Variants in PAGE2B observed in about 807,000 individuals in gnomAD.
PAGE2B encodes putative G antigen family E member 3.
A neutral mutation model predicts 7.6 loss-of-function variants in PAGE2B; 5 were observed. The observed-to-expected ratio is 0.66, with a 90% confidence interval of 0.34 to 1.38. PAGE2B has a LOEUF of 1.38. PAGE2B is among the 40% of genes most tolerant of loss of function. The pLI, the probability that PAGE2B is intolerant of heterozygous loss-of-function variation, is 0.04. For missense variants in PAGE2B, 70 were observed against 78.4 expected, an observed-to-expected ratio of 0.89 and a Z score of 0.41; for synonymous variants, 29 against 26.7, an observed-to-expected ratio of 1.09 and a Z score of -0.27.
chrX:55,066,084 C>CTT, the PAGE2B span, among the ~76,000 whole-genome samples: 308 of 111,071 alleles, frequency 2.8e-3, 1 homozygote, highest in African/African-American at 9.8e-3. Flanking sequence ...TTCTTTCTTT[C>CTT]TCTTCTTTTT....
At chrX:55,062,068 A>AT in the PAGE2B span, among the ~76,000 whole-genome samples, 1 of 111,761 alleles carries the variant, frequency 8.9e-6, no homozygotes, top group African/African-American at 3.2e-5. Flanking sequence ...GGGAATGCAC[A>AT]TATCTCTTCG....
chrX:55,056,868 A>G, the PAGE2B span, among the ~76,000 whole-genome samples: 29 of 111,514 alleles, frequency 2.6e-4, no homozygotes, highest in Non-Finnish European at 3.8e-4. Context: ...GATTAATAAT[A>G]AAACCACTGT....
At chrX:55,037,797 A>C in the PAGE2B span, among the ~76,000 whole-genome samples, 3 of 106,626 alleles carry the variant, frequency 2.8e-5, no homozygotes. Context: ...AAACTATCAC[A>C]AGGACAAAAA....
chrX:55,043,910 G>A, the PAGE2B span, among the ~76,000 whole-genome samples: 2 of 108,864 alleles, frequency 1.8e-5, no homozygotes, highest in African/African-American at 6.7e-5. Flanking sequence ...AGGTTGCGGT[G>A]AGCCAAGATC....
chrX:55,053,861 A>G, the PAGE2B span, among the ~76,000 whole-genome samples: 3 of 112,666 alleles, frequency 2.7e-5, no homozygotes, highest in African/African-American at 9.7e-5. Context: ...AATGAGATTA[A>G]TAAAACCCAA....
chrX:55,074,894 C>G (rs190960080), upstream of PAGE2B, among the ~76,000 whole-genome samples: 1 of 112,465 alleles, frequency 8.9e-6, no homozygotes, highest in Non-Finnish European at 1.9e-5. Flanking sequence ...TCTCCACAGA[C>G]GCAGGAAAAC....
At chrX:55,038,259 A>C in the PAGE2B span, among the ~76,000 whole-genome samples, 1 of 111,014 alleles carries the variant, frequency 9.0e-6, no homozygotes, top group East Asian at 2.8e-4. Flanking sequence ...TTCCCCATTT[A>C]ATAAATGATG....
chrX:55,030,459 T>C, the PAGE2B span, among the ~76,000 whole-genome samples: 1 of 111,324 alleles, frequency 9.0e-6, no homozygotes, highest in Non-Finnish European at 1.9e-5. Context: ...CCCACTGAGC[T>C]CTGCTGTCAG....
chrX:55,054,161 A>G, the PAGE2B span, among the ~76,000 whole-genome samples: 1 of 111,146 alleles, frequency 9.0e-6, no homozygotes, highest in Admixed American at 9.6e-5. Context: ...GTGAGCCGAA[A>G]TCATGCCACT....
chrX:55,039,514 C>G, the PAGE2B span, among the ~76,000 whole-genome samples: 1 of 107,139 alleles, frequency 9.3e-6, no homozygotes, highest in African/African-American at 3.4e-5. Flanking sequence ...CCACAGGCCT[C>G]CAGATTGGGC....
chrX:55,051,476 A>G, the PAGE2B span, among the ~76,000 whole-genome samples: 20 of 111,915 alleles, frequency 1.8e-4, no homozygotes, highest in African/African-American at 6.2e-4. Context: ...CTTTTCACAT[A>G]GTCCCATATT....
chrX:55,043,475 C>T, the PAGE2B span, among the ~76,000 whole-genome samples: 1 of 110,133 alleles, frequency 9.1e-6, no homozygotes, highest in Non-Finnish European at 1.9e-5. Context: ...CTACAGGGTC[C>T]TCAAACAAAT....
chrX:55,077,347 G>C, intron 3 of PAGE2B, 52 bp from the exon 4 acceptor site: 1 of 1,200,563 alleles, frequency 8.3e-7, no homozygotes, highest in Non-Finnish European at 1.1e-6. Flanking sequence ...TCATTTCCTT[G>C]TTCATAGTTC....
the PAGE2B span, among the ~76,000 whole-genome samples, chrX:55,037,120 C>T: frequency 9.0e-6 from 1 of 111,581 alleles, no homozygotes. Context: ...AGGCAACCTA[C>T]AGAATGGGAG....
chrX:55,049,537 G>C, the PAGE2B span, among the ~76,000 whole-genome samples: 2 of 111,584 alleles, frequency 1.8e-5, no homozygotes, highest in Non-Finnish European at 3.8e-5. Context: ...AGTCTTGGGA[G>C]AGTGTATGTG....
chrX:55,066,494 C>T, the PAGE2B span, among the ~76,000 whole-genome samples: 5 of 111,995 alleles, frequency 4.5e-5, no homozygotes, highest in Non-Finnish European at 9.4e-5. Context: ...AATCCCTCAG[C>T]GTTTGTTTGT....
the PAGE2B span, among the ~76,000 whole-genome samples, chrX:55,048,860 G>A: frequency 9.0e-6 from 1 of 111,385 alleles, no homozygotes; most frequent in African/African-American, 3.3e-5. Flanking sequence ...GGAGTGGTGA[G>A]AGAGGGCATC....
the PAGE2B span, among the ~76,000 whole-genome samples, chrX:55,041,737 G>A: frequency 1.8e-4 from 20 of 111,442 alleles, no homozygotes; most frequent in South Asian, 7.7e-3. Context: ...AGTAGGGGTA[G>A]GCTGGGAGCG....
chrX:55,047,024 C>T, the PAGE2B span, among the ~76,000 whole-genome samples: 1 of 110,820 alleles, frequency 9.0e-6, no homozygotes, highest in Admixed American at 9.6e-5. Flanking sequence ...GTGTGCTGCA[C>T]CCATTAACTC....
Sources: gnomAD v4.1 joint callset for allele counts (sites outside exome capture counted in the v4.1 genomes callset) on GRCh38, gnomAD v4.1.1 for gene constraint, MANE v1.5 for transcripts, NCBI Gene and HGNC (gene_info 2026-07-23, HGNC 2026-07-21) for gene names.